SLC8A1: variants seen among roughly 807,000 people sequenced by gnomAD.
SLC8A1 encodes solute carrier family 8 member A1, also known as sodium/calcium exchanger 1.
In SLC8A1, 18 loss-of-function variants were observed where a neutral mutation model predicts 68.3. The ratio of observed to expected loss-of-function variants is 0.26; its 90% CI spans 0.18 to 0.39. The LOEUF (loss-of-function observed/expected upper bound fraction) is 0.39. Ranked by LOEUF, SLC8A1 falls within the 10% of genes least tolerant of loss-of-function variation. The pLI is 1.00. For missense variants in SLC8A1, 985 were observed against 1,156.7 expected, an observed-to-expected ratio of 0.85 and a Z score of 2.15; for synonymous variants, 475 against 415.5, an observed-to-expected ratio of 1.14 and a Z score of -1.74.
At chr2:40,174,344 G>C (rs150165370) in intron 4 of SLC8A1, among the ~76,000 whole-genome samples, 54 of 152,178 alleles carry the variant, frequency 3.5e-4, no homozygotes, top group Non-Finnish European at 7.4e-5. Context: ...AGGATCCTGA[G>C]CTTGGACCAC....
chr2:40,298,364 A>C (rs2149257497), intron 2 of SLC8A1, among the ~76,000 whole-genome samples: 1 of 152,240 alleles, frequency 6.6e-6, no homozygotes, highest in East Asian at 1.9e-4. Flanking sequence ...CCCTAAATGG[A>C]TTTGGTTATA....
chr2:40,224,511 T>A, intron 2 of SLC8A1, among the ~76,000 whole-genome samples: 1 of 152,136 alleles, frequency 6.6e-6, no homozygotes, highest in Non-Finnish European at 1.5e-5. Context: ...CTAAGTGGCT[T>A]GAGGTTCACA....
chr2:40,327,460 G>A (rs879703445), intron 2 of SLC8A1, among the ~76,000 whole-genome samples: 4 of 152,096 alleles, frequency 2.6e-5, no homozygotes, highest in Non-Finnish European at 2.9e-5. Context: ...GCCAAATTTC[G>A]CAGCATAGCT....
chr2:40,448,055 G>C (rs970829735), intron 1 of SLC8A1, among the ~76,000 whole-genome samples: 1 of 152,192 alleles, frequency 6.6e-6, no homozygotes, highest in Non-Finnish European at 1.5e-5. Context: ...TCTCTGCAAA[G>C]AGAACTTACA....
At chr2:40,132,031 T>C (rs1232924280) in intron 7 of SLC8A1, among the ~76,000 whole-genome samples, 1 of 152,082 alleles carries the variant, frequency 6.6e-6, no homozygotes, top group South Asian at 2.1e-4. Flanking sequence ...TAGGTGTTTT[T>C]CATGCCAAAC....
At chr2:40,219,807 T>TGGTTAGGGCAAAATTTGACTAAAA (rs1558810172) in intron 2 of SLC8A1, among the ~76,000 whole-genome samples, 15 of 60,188 alleles carry the variant, frequency 2.5e-4, no homozygotes, top group South Asian at 7.6e-4. Context: ...AGAGATGTGC[T>TGGTTAGGGCAAAATTTGACTAAAA]TTGTTTGCTA....
At chr2:40,384,741 A>G (rs927157957) in intron 2 of SLC8A1, among the ~76,000 whole-genome samples, 3 of 152,150 alleles carry the variant, frequency 2.0e-5, no homozygotes, top group Non-Finnish European at 2.9e-5. Context: ...ACCAAAAAAT[A>G]TTTAAAAACC....
rs528717803 is a variant in SLC8A1 at position 40,376,020 on chromosome 2, A to C, written c.1808+52453T>G. On this transcript the variant is annotated intron_variant, in intron 2 of 7. Coordinates refer to ENST00000406785, the Ensembl canonical transcript of SLC8A1. ...TGTCTCAAAATAAATAAATAAATAA[A>C]TAAAAAGTTGTAATTTGTAGGTTGA... Among the ~76,000 whole-genome samples the C allele has an allele frequency of 1.5e-4, 23 of 152,178 alleles. No individual in the cohort carries two copies. In the South Asian group the frequency reaches 4.6e-3, roughly 30 times the overall value.
At chr2:40,282,014 T>C (rs2192771) in intron 2 of SLC8A1, among the ~76,000 whole-genome samples, 47,697 of 152,006 alleles carry the variant, frequency 0.31, 7,853 homozygotes, top group African/African-American at 0.41. Context: ...AGCTACTGGC[T>C]TCTATCCCTT....
intron 2 of SLC8A1, among the ~76,000 whole-genome samples, chr2:40,401,735 C>A (rs1688817835): frequency 6.6e-6 from 1 of 151,610 alleles, no homozygotes; most frequent in African/African-American, 2.4e-5. Flanking sequence ...ATACTATATC[C>A]CAAGTTTATG....
intron 2 of SLC8A1, among the ~76,000 whole-genome samples, chr2:40,212,300 TTC>T (rs2056755851): frequency 6.7e-6 from 1 of 150,320 alleles, no homozygotes. Flanking sequence ...TTTTTTTTTT[TTC>T]CTGAGACAAG....
chr2:40,302,509 G>A (rs928779914), intron 2 of SLC8A1, among the ~76,000 whole-genome samples: 9 of 148,378 alleles, frequency 6.1e-5, no homozygotes, highest in African/African-American at 9.9e-5. Flanking sequence ...ATATGTGTGT[G>A]TATACATATA....
At chr2:40,200,970 CACAACACTCTCT>C (rs1168685585) in intron 2 of SLC8A1, among the ~76,000 whole-genome samples, 2 of 151,690 alleles carry the variant, frequency 1.3e-5, no homozygotes, top group Non-Finnish European at 2.9e-5. Flanking sequence ...TTTATTTCCA[CACAACACTCTCT>C]TCTCTTCTTT....
chr2:40,392,539 T>C (rs2149606245), intron 2 of SLC8A1, among the ~76,000 whole-genome samples: 1 of 152,174 alleles, frequency 6.6e-6, no homozygotes, highest in Non-Finnish European at 1.5e-5. Context: ...ACAAGCAGCT[T>C]GACATAACAG....
At chr2:40,323,457 A>G (rs1176763298) in intron 2 of SLC8A1, among the ~76,000 whole-genome samples, 1 of 152,204 alleles carries the variant, frequency 6.6e-6, no homozygotes, top group Non-Finnish European at 1.5e-5. Context: ...CTGAGTGATT[A>G]ATCTATTCAA....
chr2:40,169,753 C>A (rs2047133906), intron 4 of SLC8A1, among the ~76,000 whole-genome samples: 1 of 152,038 alleles, frequency 6.6e-6, no homozygotes, highest in East Asian at 1.9e-4. Flanking sequence ...CCAGCCTGGG[C>A]CACATGGTGA....
At chr2:40,187,069 T>G (rs559698350) in intron 2 of SLC8A1, among the ~76,000 whole-genome samples, 1 of 152,336 alleles carries the variant, frequency 6.6e-6, no homozygotes, top group African/African-American at 2.4e-5. Flanking sequence ...ATGGTAGAGT[T>G]GTGGGTCAGG....
chr2:40,260,797 G>A (rs1366972896), intron 2 of SLC8A1, among the ~76,000 whole-genome samples: 2 of 151,460 alleles, frequency 1.3e-5, no homozygotes, highest in African/African-American at 4.9e-5. Flanking sequence ...CTAAAACAAG[G>A]TGGCTTATTT....
At chr2:40,484,209 T>G (rs1361034741) in intron 1 of SLC8A1, among the ~76,000 whole-genome samples, 1 of 152,240 alleles carries the variant, frequency 6.6e-6, no homozygotes, top group African/African-American at 2.4e-5. Context: ...CAGATGAGTA[T>G]TACAGCTTTT....
Sources: gnomAD v4.1 joint callset for allele counts (sites outside exome capture counted in the v4.1 genomes callset) on GRCh38, gnomAD v4.1.1 for gene constraint, MANE v1.5 for transcripts, NCBI Gene and HGNC (gene_info 2026-07-23, HGNC 2026-07-21) for gene names.